Variants in IL15 observed in about 807,000 individuals in gnomAD.
IL15 encodes the protein interleukin-15.
Under a neutral mutation model 19.6 loss-of-function variants are expected in IL15, and 11 were observed. The ratio of observed to expected loss-of-function variants is 0.56; its 90% CI spans 0.35 to 0.93. The LOEUF is 0.93. IL15 is among the 40% of genes least tolerant of loss of function. The pLI, the probability that IL15 is intolerant of heterozygous loss-of-function variation, is 0.01. For missense variants in IL15, 197 were observed against 186.5 expected (o/e 1.06, Z -0.33); for synonymous variants, 58 against 59.6 (o/e 0.97, Z 0.12).
rs1474249480 is a variant in IL15, at chr4:141,733,542, A to G, written c.*694A>G. On this transcript the variant is annotated 3_prime_UTR_variant, in exon 8 of 8. Coordinates refer to ENST00000320650, the MANE Select transcript of IL15 (RefSeq NM_000585.5). ...GTAGAATGGTGTGCAAGCTTGTCCA[A>G]TCACGGATTGCAGGCCACATGCGGC... 6.6e-6 allele frequency: 1 copy of G among 152,252 alleles called. No individual in the cohort carries two copies. The highest frequency in any genetic ancestry group is 1.5e-5 in the Non-Finnish European group (1 of 68,044). The allele number at this position is 152,252 out of a possible 1,614,324, so 9.4% of individuals were successfully genotyped here.
In IL15 at chr4:141,721,095, A is replaced by G. The variant is rs1436472065; in HGVS notation, c.110+529A>G. 3 of 1,487,614 alleles carry G rather than the reference A, an allele frequency of 2.0e-6. No homozygotes were observed. In the East Asian group the frequency reaches 6.9e-5, roughly 34 times the overall value. The allele number at this position is 1,487,614 out of a possible 1,614,324, so 92.2% of individuals were successfully genotyped here. On this transcript the variant is annotated intron_variant, in intron 4 of 7. Transcript: ENST00000320650. ...ATACCCAGTTGGCCCAAAGCACCTA[A>G]CCTATAGTTATATAATCTGACTCTC...
intron 2 of IL15, among the ~76,000 whole-genome samples, chr4:141,706,210 T>C (rs893557733): frequency 6.6e-6 from 1 of 152,084 alleles, no homozygotes. Flanking sequence ...GTTTCTTTTC[T>C]CCTTCTTGTT....
chr4:141,648,199 G>T (rs1327945182), intron 1 of IL15, among the ~76,000 whole-genome samples: 2 of 152,070 alleles, frequency 1.3e-5, no homozygotes, highest in Non-Finnish European at 2.9e-5. Flanking sequence ...TCAGGGTCAG[G>T]AAGGGAAATA....
chr4:141,685,876 G>T (rs1454197893), intron 2 of IL15, among the ~76,000 whole-genome samples: 1 of 151,964 alleles, frequency 6.6e-6, no homozygotes, highest in Admixed American at 6.6e-5. Context: ...AAATATCTTT[G>T]TATTTTGTTA....
intron 6 of IL15, among the ~76,000 whole-genome samples, chr4:141,729,205 G>T (rs527287672): frequency 6.6e-6 from 1 of 152,012 alleles, no homozygotes; most frequent in Non-Finnish European, 1.5e-5. Context: ...ACTGTGCAAG[G>T]TATCGAGGAC....
At position 141,732,941 on chromosome 4, in the gene IL15, G is replaced by A. The variant is rs1192163549; in HGVS notation, c.*93G>A. 8.0e-6 allele frequency: 12 copies of A among 1,491,120 alleles called. No homozygotes were observed. The highest frequency in any genetic ancestry group is 1.4e-5 in the African/African-American group (1 of 70,018). 92.4% of individuals were successfully genotyped at this position (1,491,120 alleles called of 1,614,324 possible). ...AAACACTCGGCATTTCAAATGTGCT[G>A]TCAAAACAAGTTTTTCTGTCAAGAA... On this transcript the variant is annotated 3_prime_UTR_variant, in exon 8 of 8. Transcript: ENST00000320650.
At chr4:141,707,458 C>T (rs1729558750) in intron 2 of IL15, among the ~76,000 whole-genome samples, 1 of 152,054 alleles carries the variant, frequency 6.6e-6, no homozygotes, top group South Asian at 2.1e-4. Flanking sequence ...TGTTTTCTTG[C>T]TTTTATTATA....
intron 2 of IL15, among the ~76,000 whole-genome samples, chr4:141,713,329 A>C (rs369204122): frequency 3.9e-5 from 6 of 152,308 alleles, no homozygotes; most frequent in African/African-American, 1.4e-4. Context: ...ATCAAAACCG[A>C]CTAGTTATTT....
intron 1 of IL15, among the ~76,000 whole-genome samples, chr4:141,646,171 G>A (rs79147607): frequency 0.02 from 3,052 of 152,006 alleles, 107 homozygotes; most frequent in African/African-American, 0.069. Context: ...AGGGTAATCC[G>A]GTTAAAATAT....
intron 2 of IL15, among the ~76,000 whole-genome samples, chr4:141,664,886 T>A (rs1341617409): frequency 1.3e-5 from 2 of 152,142 alleles, no homozygotes; most frequent in Non-Finnish European, 2.9e-5. Flanking sequence ...GAAAAATATA[T>A]AAAAATACAA....
chr4:141,719,731 TCTTTGTACTCA>T (rs1194059151), intron 3 of IL15, among the ~76,000 whole-genome samples: 1 of 152,156 alleles, frequency 6.6e-6, no homozygotes, highest in African/African-American at 2.4e-5. Flanking sequence ...TCTCTAAATG[TCTTTGTACTCA>T]CTAAATTGTG....
At position 141,639,592 on chromosome 4, in the gene IL15, C is replaced by G. The variant is rs75791959; in HGVS notation, c.-222+2844C>G. On this transcript the variant is annotated intron_variant, in intron 1 of 7. Coordinates refer to ENST00000320650, the MANE Select transcript of IL15 (RefSeq NM_000585.5). Reference sequence around the variant, plus strand: ...TCCCTTCTTCCATACAACTAGAAGTCTGGGATTCATGGAGAGGTCAGAGAA... The same window carrying G: ...TCCCTTCTTCCATACAACTAGAAGTGTGGGATTCATGGAGAGGTCAGAGAA... Among the ~76,000 whole-genome samples the G allele has an allele frequency of 1.2e-3, 182 of 152,260 alleles. 2 individuals are homozygous for G. The East Asian group carries it at 0.026, about 22-fold the overall frequency.
At position 141,656,303 on chromosome 4, in the gene IL15, ATCGTGTAAGTAAAG is replaced by A. The variant is rs1358146855; in HGVS notation, c.-102_-100+11del. The A allele has an allele frequency of 2.5e-6, 1 of 398,178 alleles. No individual in the cohort carries two copies. Among genetic ancestry groups the A allele is most frequent in the Admixed American group, 4.4e-5 (1 of 22,682 alleles). The allele number at this position is 398,178 out of a possible 1,614,324, so 24.7% of individuals were successfully genotyped here. On this transcript the variant is annotated splice_donor_variant and splice_donor_5th_base_variant and 5_prime_UTR_variant and intron_variant, in exon 2 of 8. Transcript: ENST00000320650. LOFTEE classifies it low-confidence loss of function (5UTR_SPLICE). Reference sequence around the variant, plus strand: ...TTAGCAGATAGCCAGCCCATACAAGATCGTGTAAGTAAAGTTTTAAAAGTTTTATCATGCAATAC... The same window carrying A: ...TTAGCAGATAGCCAGCCCATACAAGATTTTAAAAGTTTTATCATGCAATAC...
At chr4:141,686,702 A>G (rs1397268352) in intron 2 of IL15, among the ~76,000 whole-genome samples, 1 of 152,228 alleles carries the variant, frequency 6.6e-6, no homozygotes, top group Admixed American at 6.5e-5. Context: ...TCTCTTTAAG[A>G]AAATGAATTT....
intron 2 of IL15, among the ~76,000 whole-genome samples, chr4:141,678,581 A>G (rs928160156): frequency 6.6e-5 from 10 of 150,616 alleles, no homozygotes; most frequent in African/African-American, 2.4e-4. Context: ...TGAAAAAAAA[A>G]AAAGCAAATG....
intron 2 of IL15, among the ~76,000 whole-genome samples, chr4:141,690,330 C>T (rs1006248082): frequency 3.3e-5 from 5 of 152,226 alleles, no homozygotes; most frequent in African/African-American, 1.2e-4. Context: ...GGCTGAAGGG[C>T]TCCTCAAGTG....
chr4:141,694,734 C>A (rs927543315), intron 2 of IL15, among the ~76,000 whole-genome samples: 1 of 152,040 alleles, frequency 6.6e-6, no homozygotes, highest in Non-Finnish European at 1.5e-5. Context: ...GAAATACAGC[C>A]CCCTTCTCAA....
intron 2 of IL15, among the ~76,000 whole-genome samples, chr4:141,698,286 T>C (rs1560925464): frequency 6.6e-6 from 1 of 152,020 alleles, no homozygotes; most frequent in Non-Finnish European, 1.5e-5. Context: ...AGGGATATTG[T>C]TCTGTGGTTT....
intron 2 of IL15, among the ~76,000 whole-genome samples, chr4:141,702,756 C>T (rs751686665): frequency 3.9e-5 from 6 of 152,216 alleles, no homozygotes; most frequent in Non-Finnish European, 7.3e-5. Context: ...TTTGAGCTTG[C>T]TTTAAGTTGC....
Sources: gnomAD v4.1 joint callset for allele counts (sites outside exome capture counted in the v4.1 genomes callset) on GRCh38, gnomAD v4.1.1 for gene constraint, MANE v1.5 for transcripts, NCBI Gene and HGNC (gene_info 2026-07-23, HGNC 2026-07-21) for gene names.